Variants in PNPLA8 observed in about 807,000 individuals in gnomAD.
PNPLA8 encodes patatin like domain 8, phospholipase A2.
A neutral mutation model predicts 76.9 loss-of-function variants in PNPLA8; 39 were observed. The observed-to-expected ratio is 0.51, with a 90% CI of 0.39 to 0.66. PNPLA8 has a LOEUF of 0.66. Ranked by LOEUF, PNPLA8 falls within the 30% of genes least tolerant of loss-of-function variation. The pLI, the probability that PNPLA8 is intolerant of heterozygous loss-of-function variation, is 0.00. For synonymous variants in PNPLA8, 301 were observed against 307.9 expected (o/e 0.98, Z 0.24); for missense variants, 887 against 918.0 (o/e 0.97, Z 0.44).
chr7:108,511,056 A>AAAAAG, intron 4 of PNPLA8: 1 of 647,590 alleles, frequency 1.5e-6, no homozygotes, highest in Non-Finnish European at 2.6e-6. Flanking sequence ...AAAAAAAAAA[A>AAAAAG]AAAGAAAACT....
chr7:108,472,792 T>A, intron 10 of PNPLA8, 117 bp from the exon 11 acceptor site: 1 of 616,246 alleles, frequency 1.6e-6, no homozygotes, highest in South Asian at 3.0e-5. Flanking sequence ...ATTACAAAGA[T>A]TCACTAATTT....
At chr7:108,489,325 T>C (rs1211408282) in intron 8 of PNPLA8, among the ~76,000 whole-genome samples, 1 of 152,214 alleles carries the variant, frequency 6.6e-6, no homozygotes, top group African/African-American at 2.4e-5. Flanking sequence ...TCATTCCACA[T>C]GCAGCCCTTG....
intron 9 of PNPLA8, among the ~76,000 whole-genome samples, chr7:108,481,915 G>T (rs1237513574): frequency 6.6e-6 from 1 of 152,054 alleles, no homozygotes; most frequent in Non-Finnish European, 1.5e-5. Flanking sequence ...GAAAAGACAG[G>T]GAGAGAGAAA....
At chr7:108,492,949 C>G (rs571994183) in intron 7 of PNPLA8, among the ~76,000 whole-genome samples, 8 of 152,156 alleles carry the variant, frequency 5.3e-5, no homozygotes, top group Admixed American at 3.3e-4. Flanking sequence ...GGCTTGCTCT[C>G]TGGGAACTCT....
intron 5 of PNPLA8, among the ~76,000 whole-genome samples, chr7:108,499,511 C>A (rs1008867653): frequency 1.3e-4 from 20 of 152,136 alleles, no homozygotes; most frequent in African/African-American, 4.8e-4. Context: ...TCCCATATTC[C>A]CCTAAACCAA....
chr7:108,505,867 A>G (rs1159282880), intron 4 of PNPLA8, among the ~76,000 whole-genome samples: 2 of 152,196 alleles, frequency 1.3e-5, no homozygotes, highest in African/African-American at 4.8e-5. Flanking sequence ...GTGAGTTACA[A>G]CCGTAATATA....
At chr7:108,497,025 A>G (rs1418954684) in intron 6 of PNPLA8, among the ~76,000 whole-genome samples, 2 of 152,148 alleles carry the variant, frequency 1.3e-5, no homozygotes, top group Non-Finnish European at 2.9e-5. Flanking sequence ...GCTACCCCCA[A>G]TAATGATAAT....
At chr7:108,491,961 C>T (rs887084236) in intron 7 of PNPLA8, among the ~76,000 whole-genome samples, 22 of 152,090 alleles carry the variant, frequency 1.4e-4, no homozygotes, top group Admixed American at 1.4e-3. Context: ...TTGGTAACAG[C>T]CAATGTCATC....
chr7:108,510,192 A>AG (rs1862802424), intron 4 of PNPLA8: 1 of 888,554 alleles, frequency 1.1e-6, no homozygotes, highest in South Asian at 1.7e-5. Flanking sequence ...AAAAAAAAAA[A>AG]GAAAGAAAAC....
At chr7:108,502,442 CAAAAAAAA>C (rs369261888) in intron 5 of PNPLA8, 41 bp downstream of exon 5, 637 of 624,110 alleles carry the variant, frequency 1.0e-3, no homozygotes, top group African/African-American at 8.7e-3. Flanking sequence ...AACTCCATCT[CAAAAAAAA>C]AAAAAAAAAA....
intron 9 of PNPLA8, 127 bp from the exon 10 acceptor site, chr7:108,479,506 T>C: frequency 4.6e-6 from 3 of 654,840 alleles, no homozygotes; most frequent in Non-Finnish European, 7.8e-6. Flanking sequence ...TTTTATAGAC[T>C]ACAGCTGCAA....
rs2154514980 is a variant in PNPLA8, at chr7:108,483,144, G to C, written c.1879-3765C>G. On this transcript the variant is annotated intron_variant, in intron 9 of 10. Transcript: ENST00000257694. ...AATAATACTCTGGTTGGATCAATAA[G>C]ATCACATTAGGAGGCAACTATTAAT... Among the ~76,000 whole-genome samples the C allele has an allele frequency of 2.6e-5, 4 of 152,314 alleles. No homozygotes were observed. The Middle Eastern group carries it at 0.014, about 518-fold the overall frequency.
intron 7 of PNPLA8, 23 bp from the exon 8 acceptor site, chr7:108,491,490 A>G: frequency 6.9e-7 from 1 of 1,445,836 alleles, no homozygotes; most frequent in South Asian, 1.1e-5. Context: ...AGAAAAAAAT[A>G]AGTTATATCA....
chr7:108,491,297 A>C, intron 8 of PNPLA8, 113 bp downstream of exon 8: 1 of 686,064 alleles, frequency 1.5e-6, no homozygotes, highest in African/African-American at 1.8e-5. Flanking sequence ...ATAAGAGTGA[A>C]ACTCTGTCTC....
upstream of PNPLA8, among the ~76,000 whole-genome samples, chr7:108,526,473 T>A (rs1598996048): frequency 1.3e-5 from 2 of 152,212 alleles, no homozygotes. Flanking sequence ...GGGCGGGACC[T>A]CGGAGCAGTG....
chr7:108,490,556 G>T (rs1861077050), intron 8 of PNPLA8, among the ~76,000 whole-genome samples: 1 of 152,144 alleles, frequency 6.6e-6, no homozygotes, highest in Non-Finnish European at 1.5e-5. Flanking sequence ...GGCTGAGGTG[G>T]GCGAATCACG....
At chr7:108,503,295 G>A (rs1862097988) in intron 4 of PNPLA8, among the ~76,000 whole-genome samples, 1 of 152,166 alleles carries the variant, frequency 6.6e-6, no homozygotes, top group African/African-American at 2.4e-5. Context: ...TCTGTACACA[G>A]AAGCATCTTA....
At chr7:108,481,019 C>T (rs11981670) in intron 9 of PNPLA8, among the ~76,000 whole-genome samples, 45,488 of 152,002 alleles carry the variant, frequency 0.3, 7,368 homozygotes, top group African/African-American at 0.39. Context: ...AGCATGTCAT[C>T]GAGACTAATC....
At chr7:108,488,004 G>A (rs774128364) in intron 8 of PNPLA8, 51 bp from the exon 9 acceptor site, 1 of 1,140,242 alleles carries the variant, frequency 8.8e-7, no homozygotes, top group South Asian at 1.5e-5. Flanking sequence ...ATATATTTGG[G>A]ATCTGTAAAA....
Sources: gnomAD v4.1 joint callset for allele counts (sites outside exome capture counted in the v4.1 genomes callset) on GRCh38, gnomAD v4.1.1 for gene constraint, MANE v1.5 for transcripts, NCBI Gene and HGNC (gene_info 2026-07-23, HGNC 2026-07-21) for gene names.